The following PKNOX1 variants were observed in gnomAD, a reference collection of about 807,000 sequenced individuals.
PKNOX1 encodes the protein PBX/knotted 1 homeobox 1, also known as homeobox protein PKNOX1.
Under a neutral mutation model 51.9 loss-of-function variants are expected in PKNOX1, and 15 were observed. The observed-to-expected ratio is 0.29, with a 90% CI of 0.19 to 0.45. The LOEUF (loss-of-function observed/expected upper bound fraction) is 0.45. Ranked by LOEUF, PKNOX1 falls within the 20% of genes least tolerant of loss-of-function variation. The pLI is 1.00. For missense variants in PKNOX1, 462 were observed against 547.5 expected, an observed-to-expected ratio of 0.84 and a Z score of 1.56; for synonymous variants, 219 against 211.1, an observed-to-expected ratio of 1.04 and a Z score of -0.32.
chr21:43,029,424 G>GTT lies in PKNOX1; in HGVS notation c.1100-446_1100-445dup, dbSNP rs138486584. Among the ~76,000 whole-genome samples, 9 of 63,270 alleles carry GTT rather than the reference G, an allele frequency of 1.4e-4. 1 individual carries two copies. The highest frequency in any genetic ancestry group is 4.6e-4 in the African/African-American group (7 of 15,304). 41.5% of individuals were successfully genotyped at this position (63,270 alleles called of 152,430 possible). A position where few individuals can be genotyped will look rare whatever the true frequency, so the allele number is the denominator to read the frequency against. On this transcript the variant is annotated intron_variant, in intron 10 of 10. Coordinates refer to ENST00000291547, the MANE Select transcript of PKNOX1 (RefSeq NM_004571.5). Reference sequence around the variant, plus strand: ...TTATTTTTTTTTATTTGTTTGCTTTGTTTTTTTTTTTTTTTTTTTTTGAGA... The same window carrying GTT: ...TTATTTTTTTTTATTTGTTTGCTTTGTTTTTTTTTTTTTTTTTTTTTTTGAGA...
At position 42,986,374 on chromosome 21, in the gene PKNOX1, G is replaced by A. The variant is rs370205292; in HGVS notation, c.-57+11710G>A. 1.5e-3 allele frequency among the ~76,000 whole-genome samples: 227 copies of A among 152,234 alleles called. 1 individual carries two copies. In the Middle Eastern group the frequency reaches 0.031, roughly 21 times the overall value. ...AAATTAGCCAGGCATGGTGGCAGGT[G>A]CCTGTAATCCCAGCTACTGGGGAGG... On this transcript the variant is annotated intron_variant, in intron 1 of 10. Transcript: ENST00000291547.
intron 2 of PKNOX1, among the ~76,000 whole-genome samples, chr21:43,004,902 G>A (rs573800532): frequency 1.3e-3 from 193 of 152,246 alleles, no homozygotes; most frequent in Admixed American, 1.8e-3. Flanking sequence ...TACCTTGCTC[G>A]TGCTTGGATG....
Position 43,033,712 on chromosome 21 carries a change from A to G in PKNOX1, c.*3611A>G, listed in dbSNP as rs940043294. On this transcript the variant is annotated 3_prime_UTR_variant, in exon 11 of 11. Coordinates refer to ENST00000291547, the MANE Select transcript of PKNOX1 (RefSeq NM_004571.5). ...AGTCACCCCTGCATATTGAGAAACT[A>G]GGACCACACTGCATCGGACTAGTCA... 4 of 152,250 alleles carry G rather than the reference A, an allele frequency of 2.6e-5. No homozygotes were observed. The highest frequency in any genetic ancestry group is 4.4e-5 in the Non-Finnish European group (3 of 68,042). The allele number at this position is 152,250 out of a possible 1,614,324, so 9.4% of individuals were successfully genotyped here.
chr21:43,005,440 T>TC (rs1555860173), intron 2 of PKNOX1, among the ~76,000 whole-genome samples: 2 of 149,016 alleles, frequency 1.3e-5, no homozygotes, highest in South Asian at 2.2e-4. Flanking sequence ...TGTTTTTTTT[T>TC]CTCTGTATAG....
chr21:43,023,358 G>A (rs1011699144), intron 8 of PKNOX1, among the ~76,000 whole-genome samples: 1 of 152,072 alleles, frequency 6.6e-6, no homozygotes, highest in African/African-American at 2.4e-5. Flanking sequence ...CCGTCCCCAT[G>A]TGATGGGCAG....
intron 3 of PKNOX1, 107 bp downstream of exon 3, chr21:43,007,725 C>A: frequency 1.6e-6 from 2 of 1,252,490 alleles, no homozygotes; most frequent in Non-Finnish European, 2.3e-6. Flanking sequence ...TGTGAGGTGC[C>A]ATTATGATGT....
intron 1 of PKNOX1, among the ~76,000 whole-genome samples, chr21:42,996,275 T>C (rs931844421): frequency 2.0e-5 from 3 of 151,866 alleles, no homozygotes; most frequent in African/African-American, 7.3e-5. Context: ...TGCAATGGGA[T>C]TGTGTAGTGG....
At position 42,974,901 on chromosome 21, in the gene PKNOX1, A is replaced by G. The variant is rs954016459; in HGVS notation, c.-57+237A>G. ...CGGGGGAGGGGGCGCCTTCAGCCCAACCGGCGCGGGGGCGCGCCCAGTTGG... is the reference window on the plus strand; with the variant it reads ...CGGGGGAGGGGGCGCCTTCAGCCCAGCCGGCGCGGGGGCGCGCCCAGTTGG... On this transcript the variant is annotated intron_variant, in intron 1 of 10. Transcript: ENST00000291547. Among the ~76,000 whole-genome samples the G allele has an allele frequency of 3.5e-5, 5 of 142,696 alleles. No homozygotes were observed. The East Asian group carries it at 1.1e-3, about 30-fold the overall frequency. 93.6% of individuals were successfully genotyped at this position (142,696 alleles called of 152,430 possible).
intron 10 of PKNOX1, among the ~76,000 whole-genome samples, chr21:43,029,285 T>C (rs1280579878): frequency 6.6e-6 from 1 of 152,164 alleles, no homozygotes; most frequent in African/African-American, 2.4e-5. Flanking sequence ...GCTTGTTCCC[T>C]GTGGCCTCTG....
At chr21:43,026,643 G>T (rs1014069430) in intron 9 of PKNOX1, among the ~76,000 whole-genome samples, 18 of 152,182 alleles carry the variant, frequency 1.2e-4, no homozygotes, top group Admixed American at 1.2e-3. Flanking sequence ...TGTAATCCCA[G>T]CTACTGAGGA....
intron 1 of PKNOX1, among the ~76,000 whole-genome samples, chr21:42,981,021 GAT>G (rs1369102646): frequency 1.7e-4 from 26 of 152,338 alleles, no homozygotes; most frequent in Admixed American, 9.2e-4. Context: ...AAACGGCACA[GAT>G]AGGGGAACCC....
intron 7 of PKNOX1, among the ~76,000 whole-genome samples, chr21:43,020,836 A>C (rs1056371447): frequency 1.1e-4 from 17 of 152,246 alleles, no homozygotes; most frequent in Non-Finnish European, 2.2e-4. Flanking sequence ...CTGCCTGCAG[A>C]GGATGGGCTC....
rs183952334 is a variant in PKNOX1 at position 43,010,599 on chromosome 21, C to T, written c.351+375C>T. On this transcript the variant is annotated intron_variant, in intron 4 of 10. Coordinates refer to ENST00000291547, the MANE Select transcript of PKNOX1 (RefSeq NM_004571.5). Reference sequence around the variant, plus strand: ...AGGCGTGGTGGCTCACACCTGTAATCCCAGCACTTTGGGAGGCCGAGGTGG... The same window carrying T: ...AGGCGTGGTGGCTCACACCTGTAATTCCAGCACTTTGGGAGGCCGAGGTGG... 4.5e-3 allele frequency among the ~76,000 whole-genome samples: 692 copies of T among 152,152 alleles called. 3 individuals carry two copies. The highest frequency in any genetic ancestry group is 0.016 in the African/African-American group (656 of 41,510).
At chr21:42,982,588 G>A (rs113449718) in intron 1 of PKNOX1, among the ~76,000 whole-genome samples, 5,771 of 151,614 alleles carry the variant, frequency 0.038, 138 homozygotes, top group Middle Eastern at 0.061. Context: ...AAAATTAGCC[G>A]GGTGTGGTGG....
chr21:43,027,859 T>G (rs1263309917), intron 9 of PKNOX1, among the ~76,000 whole-genome samples: 1 of 151,928 alleles, frequency 6.6e-6, no homozygotes, highest in African/African-American at 2.4e-5. Flanking sequence ...GAGGTTGCGG[T>G]GAGCTGAGAT....
intron 1 of PKNOX1, among the ~76,000 whole-genome samples, chr21:42,982,001 C>G (rs1311652964): frequency 6.6e-6 from 1 of 152,216 alleles, no homozygotes; most frequent in Non-Finnish European, 1.5e-5. Context: ...GGTGGTTGCC[C>G]TCCACTGTCT....
Position 43,032,291 on chromosome 21 carries a change from G to T in PKNOX1, c.*2190G>T, listed in dbSNP as rs189023859. On this transcript the variant is annotated 3_prime_UTR_variant, in exon 11 of 11. Transcript: ENST00000291547. Reference sequence around the variant, plus strand: ...TGGACTCCTTAAAATAAGCACCCATGAAAGCCAGCCAGCCCTTCCTCCTTC... The same window carrying T: ...TGGACTCCTTAAAATAAGCACCCATTAAAGCCAGCCAGCCCTTCCTCCTTC... The T allele has an allele frequency of 2.3e-4, 85 of 365,636 alleles. No homozygotes were observed. Among genetic ancestry groups the T allele is most frequent in the Non-Finnish European group, 4.5e-4 (79 of 174,820 alleles). The allele number at this position is 365,636 out of a possible 1,614,324, so 22.6% of individuals were successfully genotyped here.
rs1246612766 is a variant in PKNOX1, at chr21:42,974,723, T to G, written c.-57+59T>G. On this transcript the variant is annotated intron_variant, in intron 1 of 10. Coordinates refer to ENST00000291547, the MANE Select transcript of PKNOX1 (RefSeq NM_004571.5). Reference sequence around the variant, plus strand: ...CCGCCGCTCTCGCCGCCGCCGTCCCTATCAATCACACCGGCCCGCGGCCGC... The same window carrying G: ...CCGCCGCTCTCGCCGCCGCCGTCCCGATCAATCACACCGGCCCGCGGCCGC... 4.4e-4 allele frequency: 72 copies of G among 163,990 alleles called. No individual in the cohort carries two copies. The Admixed American group carries it at 4.5e-3, about 10-fold the overall frequency. The allele number at this position is 163,990 out of a possible 1,614,324, so 10.2% of individuals were successfully genotyped here. A position where few individuals can be genotyped will look rare whatever the true frequency, so the allele number is the denominator to read the frequency against.
intron 1 of PKNOX1, among the ~76,000 whole-genome samples, chr21:42,983,333 A>G (rs2059036402): frequency 6.6e-6 from 1 of 151,808 alleles, no homozygotes; most frequent in Non-Finnish European, 1.5e-5. Context: ...CCACCATTCT[A>G]CTTCCTGTCT....
Sources: allele counts gnomAD v4.1 joint callset (sites outside exome capture counted in the v4.1 genomes callset), GRCh38; gene constraint gnomAD v4.1.1; transcripts MANE v1.5; gene names NCBI Gene and HGNC (gene_info 2026-07-23, HGNC 2026-07-21).